Variants in FRRS1L observed in about 807,000 individuals in gnomAD.
The protein encoded by FRRS1L is DOMON domain-containing protein FRRS1L.
A neutral mutation model predicts 28.6 loss-of-function variants in FRRS1L; 22 were observed. That is an observed-to-expected ratio of 0.77 (90% CI 0.55 to 1.10). The LOEUF (loss-of-function observed/expected upper bound fraction) is 1.10, where lower values mean the gene tolerates loss of function less well. Among genes scored for constraint, FRRS1L ranks in the 50% least tolerant of loss-of-function variants. The probability of loss-of-function intolerance (pLI) is 0.00; values close to 1 mark genes in which losing one functional copy is unlikely to be tolerated. For missense variants in FRRS1L, 380 were observed against 386.9 expected (o/e 0.98, Z 0.15); for synonymous variants, 158 against 151.4 (o/e 1.04, Z -0.32).
intron 4 of FRRS1L, 39 bp from the exon 5 acceptor site, chr9:109,137,666 A>G (rs948030617): frequency 8.8e-6 from 12 of 1,368,258 alleles, no homozygotes; most frequent in Non-Finnish European, 1.2e-5. Flanking sequence ...CAATTGAAAA[A>G]AGAACAGATT....
chr9:109,151,887 T>C (rs978754699), intron 1 of FRRS1L: 1 of 152,310 alleles, frequency 6.6e-6, no homozygotes, highest in Non-Finnish European at 1.5e-5. Context: ...ATCTTCTTCC[T>C]GTTACTTCTC....
chr9:109,138,090 GACA>G (rs1831137166), intron 4 of FRRS1L: 1 of 152,240 alleles, frequency 6.6e-6, no homozygotes, highest in Non-Finnish European at 1.5e-5. Context: ...AACAACTCCT[GACA>G]ACACTACTAA....
rs936937749 is a variant in FRRS1L at position 109,136,679 on chromosome 9, C to T, written c.*776G>A. On this transcript the variant is annotated 3_prime_UTR_variant, in exon 5 of 5. Transcript: ENST00000561981. ...GGGATTATAGGTGTGCACCACCACGCCTGGCTCATTTTTGTACTTTTTAAT... is the reference window on the plus strand; with the variant it reads ...GGGATTATAGGTGTGCACCACCACGTCTGGCTCATTTTTGTACTTTTTAAT... 6.6e-6 allele frequency: 1 copy of T among 152,078 alleles called. No individual in the cohort carries two copies. Among genetic ancestry groups the T allele is most frequent in the African/African-American group, 2.4e-5 (1 of 41,388 alleles). The allele number at this position is 152,078 out of a possible 1,614,324, so 9.4% of individuals were successfully genotyped here.
At chr9:109,165,656 G>A (rs1334883193) in intron 1 of FRRS1L, among the ~76,000 whole-genome samples, 2 of 152,180 alleles carry the variant, frequency 1.3e-5, no homozygotes, top group South Asian at 2.1e-4. Context: ...GGCATATTAT[G>A]TCTCAGCTAA....
chr9:109,137,288 CTTCTT>C lies in FRRS1L; in HGVS notation c.*162_*166del. On this transcript the variant is annotated 3_prime_UTR_variant, in exon 5 of 5. Coordinates refer to ENST00000561981, the MANE Select transcript of FRRS1L (RefSeq NM_014334.4). The stretch of plus-strand genomic sequence containing the variant: ...AAGTATAGGGTCATTATTAAACAAT[CTTCTT>C]TGACTACAAAAGAAGCTTGTTCTTT... The C allele has an allele frequency of 7.1e-6, 3 of 420,272 alleles. No homozygotes were observed. The highest frequency in any genetic ancestry group is 1.3e-5 in the Non-Finnish European group (3 of 238,630). The allele number at this position is 420,272 out of a possible 1,614,324, so 26.0% of individuals were successfully genotyped here.
chr9:109,159,713 T>C (rs1831457796), intron 1 of FRRS1L, among the ~76,000 whole-genome samples: 1 of 152,162 alleles, frequency 6.6e-6, no homozygotes, highest in African/African-American at 2.4e-5. Context: ...GCAAAGTAGA[T>C]TGCCCTCCAT....
rs200018462 is a variant in FRRS1L, at chr9:109,147,145, A to C, written c.368T>G (p.Leu123Arg). ...ATCAGCCCCTATCATCCGGTAGCTG[A>C]GGAAATAGTCACAGGTCTCTGCATT... ...GCNAETCDYFLSYRMIGADVE... is the reference protein window; with the variant it reads ...GCNAETCDYFRSYRMIGADVE... Residue 123 changes from leucine (L) to arginine (R), a missense_variant, in exon 3 of 5, where the codon CTC becomes CGC. Physicochemically the swap from Leu to Arg is moderately radical, Grantham distance 102. Coordinates refer to ENST00000561981, the MANE Select transcript of FRRS1L (RefSeq NM_014334.4). The C allele has an allele frequency of 6.2e-7, 1 of 1,613,600 alleles. No individual in the cohort carries two copies. Among genetic ancestry groups the C allele is most frequent in the East Asian group, 2.2e-5 (1 of 44,890 alleles).
At chr9:109,138,326 A>G (rs1305049599) in intron 4 of FRRS1L, 1 of 152,262 alleles carries the variant, frequency 6.6e-6, no homozygotes, top group African/African-American at 2.4e-5. Context: ...GGAAAGAAGT[A>G]CAGACTGTGT....
At chr9:109,160,712 T>C (rs1831470368) in intron 1 of FRRS1L, among the ~76,000 whole-genome samples, 1 of 151,880 alleles carries the variant, frequency 6.6e-6, no homozygotes, top group Admixed American at 6.6e-5. Context: ...GACTTTTGGC[T>C]GTAGTTCTGT....
intron 4 of FRRS1L, chr9:109,138,874 T>G (rs2118462146): frequency 6.6e-6 from 1 of 152,194 alleles, no homozygotes; most frequent in East Asian, 1.9e-4. Context: ...TACAGGGACC[T>G]TAGGAGAATA....
rs1389545560 is a variant in FRRS1L, at chr9:109,166,998, C to A, written c.141G>T (p.Arg47=). 3 of 1,257,274 alleles carry A rather than the reference C, an allele frequency of 2.4e-6. No individual in the cohort carries two copies. Among genetic ancestry groups the A allele is most frequent in the African/African-American group, 1.6e-5 (1 of 64,276 alleles). The allele number at this position is 1,257,274 out of a possible 1,614,324, so 77.9% of individuals were successfully genotyped here. The change falls in exon 1 of 5, where the codon CGG becomes CGT. Residue 47 remains arginine (R), a synonymous_variant. Transcript: ENST00000561981. ...CCGCCTCGTCGGCGCCCGTGTCCCCCCGCGCGCGTCCCCGGGGTCCCCGGC... is the reference window on the plus strand; with the variant it reads ...CCGCCTCGTCGGCGCCCGTGTCCCCACGCGCGCGTCCCCGGGGTCCCCGGC... ...PGGRGPRGRA[R]GDTGADEAVP... is the part of the protein sequence containing the mutation.
Position 109,149,696 on chromosome 9 carries a change from G to A in FRRS1L, c.263C>T (p.Pro88Leu). 6.2e-7 allele frequency: 1 copy of A among 1,613,316 alleles called. No homozygotes were observed. The highest frequency in any genetic ancestry group is 1.6e-4 in the Middle Eastern group (1 of 6,062). The change falls in exon 2 of 5, where the codon CCT becomes CTT. Residue 88 changes from proline (P) to leucine (L), a missense_variant. Physicochemically the swap from Pro to Leu is moderately conservative, Grantham distance 98. Transcript: ENST00000561981. ...EEGYPFPTAP[P>L]VDPFAKIKVD... The stretch of plus-strand genomic sequence containing the variant: ...TTTGATTTTGGCAAATGGATCCACA[G>A]GAGGAGCAGTAGGGAAGGGGTAACC...
rs756282891 is a variant in FRRS1L at position 109,149,651 on chromosome 9, G to A, written c.308C>T (p.Thr103Ile). The A allele has an allele frequency of 8.1e-6, 13 of 1,612,342 alleles. No individual in the cohort carries two copies. The Admixed American group carries it at 2.2e-4, about 27-fold the overall frequency. The change falls in exon 2 of 5, where the codon ACT becomes ATT. Residue 103 changes from threonine to isoleucine, a missense_variant. Coordinates refer to ENST00000561981, the MANE Select transcript of FRRS1L (RefSeq NM_014334.4). ...AKIKVDDCGKTKGCFRYGKPG... is the reference protein window; with the variant it reads ...AKIKVDDCGKIKGCFRYGKPG... ...TTCCACCAACCTAAAGCATCCCTTA[G>A]TTTTTCCACAGTCGTCCACTTTGAT...
intron 4 of FRRS1L, chr9:109,138,866 C>T (rs1166553435): frequency 6.6e-6 from 1 of 152,190 alleles, no homozygotes; most frequent in Non-Finnish European, 1.5e-5. Flanking sequence ...TTCCCCCTTA[C>T]AGGGACCTTA....
At chr9:109,142,029 A>G (rs1469817557) in intron 3 of FRRS1L, among the ~76,000 whole-genome samples, 1 of 152,112 alleles carries the variant, frequency 6.6e-6, no homozygotes, top group African/African-American at 2.4e-5. Context: ...AGGTGTTCCT[A>G]CATAGAAATT....
chr9:109,164,986 T>C (rs1308906700), intron 1 of FRRS1L, among the ~76,000 whole-genome samples: 1 of 152,192 alleles, frequency 6.6e-6, no homozygotes, highest in African/African-American at 2.4e-5. Flanking sequence ...CATATCATTC[T>C]CTCTGCAGAG....
At position 109,147,099 on chromosome 9, in the gene FRRS1L, T is replaced by C; in HGVS notation, c.414A>G (p.Ala138=). 1.2e-6 allele frequency: 2 copies of C among 1,613,874 alleles called. No individual in the cohort carries two copies. The highest frequency in any genetic ancestry group is 1.3e-5 in the African/African-American group (1 of 75,044). ...IGADVEFELS[A]DTDGWVAVGF... Reference sequence around the variant, plus strand: ...CAACTGCTACCCAACCATCTGTGTCTGCACTCAGCTCAAATTCTACATCAG... The same window carrying C: ...CAACTGCTACCCAACCATCTGTGTCCGCACTCAGCTCAAATTCTACATCAG... Residue 138 remains alanine, a synonymous_variant, in exon 3 of 5, where the codon GCA becomes GCG. Transcript: ENST00000561981.
intron 1 of FRRS1L, among the ~76,000 whole-genome samples, chr9:109,164,688 GC>G (rs1336036018): frequency 6.6e-6 from 1 of 152,176 alleles, no homozygotes; most frequent in East Asian, 1.9e-4. Flanking sequence ...GAAGCACCAC[GC>G]CCGGCCCCAT....
chr9:109,159,375 C>T (rs1194920627), intron 1 of FRRS1L, among the ~76,000 whole-genome samples: 1 of 152,104 alleles, frequency 6.6e-6, no homozygotes, highest in Non-Finnish European at 1.5e-5. Context: ...AGTGGATTAA[C>T]ATTTAAGTGG....
Sources: allele counts gnomAD v4.1 joint callset (sites outside exome capture counted in the v4.1 genomes callset), GRCh38; gene constraint gnomAD v4.1.1; transcripts MANE v1.5; gene names NCBI Gene and HGNC (gene_info 2026-07-23, HGNC 2026-07-21).